SYN3: variants seen among roughly 807,000 people sequenced by gnomAD.
The protein encoded by SYN3 is synapsin III, also known as synapsin-3.
Under a neutral mutation model 65.8 loss-of-function variants are expected in SYN3, and 35 were observed. That is an observed-to-expected ratio of 0.53 (90% CI 0.41 to 0.70). SYN3 has a LOEUF of 0.70. Among genes scored for constraint, SYN3 ranks in the 30% least tolerant of loss-of-function variants. The probability of loss-of-function intolerance (pLI) is 0.00; values close to 1 mark genes in which losing one functional copy is unlikely to be tolerated. For missense variants in SYN3, 680 were observed against 749.0 expected, an observed-to-expected ratio of 0.91 and a Z score of 1.08; for synonymous variants, 270 against 292.9, an observed-to-expected ratio of 0.92 and a Z score of 0.80.
intron 6 of SYN3, among the ~76,000 whole-genome samples, chr22:32,814,476 A>G (rs564339276): frequency 2.0e-5 from 3 of 152,202 alleles, no homozygotes; most frequent in Non-Finnish European, 4.4e-5. Context: ...AAAATAAAAC[A>G]GAAACCACTG....
At chr22:32,772,420 G>A (rs2045796114) in intron 6 of SYN3, among the ~76,000 whole-genome samples, 1 of 151,966 alleles carries the variant, frequency 6.6e-6, no homozygotes, top group South Asian at 2.1e-4. Flanking sequence ...GGTAGGAGCT[G>A]TCCCATCTCG....
intron 6 of SYN3, among the ~76,000 whole-genome samples, chr22:32,714,537 G>A (rs1318999581): frequency 6.6e-6 from 1 of 151,824 alleles, no homozygotes; most frequent in Non-Finnish European, 1.5e-5. Flanking sequence ...CAAGACTGAA[G>A]ACTGTGGACC....
At chr22:32,677,554 T>G (rs2060463447) in intron 6 of SYN3, among the ~76,000 whole-genome samples, 1 of 152,136 alleles carries the variant, frequency 6.6e-6, no homozygotes, top group East Asian at 1.9e-4. Context: ...ATCCCAGCAC[T>G]TTGGGAGGCC....
chr22:32,838,599 C>T (rs1288230232), intron 6 of SYN3, among the ~76,000 whole-genome samples: 1 of 152,132 alleles, frequency 6.6e-6, no homozygotes, highest in Non-Finnish European at 1.5e-5. Context: ...GGTCCTGTGA[C>T]TTGCCTCTTT....
chr22:32,935,285 T>TTCTCTC lies in SYN3; in HGVS notation c.370-3810_370-3805dup, dbSNP rs34290935. Among the ~76,000 whole-genome samples, 1,138 of 144,762 alleles carry TTCTCTC rather than the reference T, an allele frequency of 7.9e-3. 20 individuals carry two copies. The highest frequency in any genetic ancestry group is 0.027 in the African/African-American group (1,070 of 39,066). The allele number at this position is 144,762 out of a possible 152,430, so 95.0% of individuals were successfully genotyped here. Reference sequence around the variant, plus strand: ...ACCTAGACTCATTCTCTCTCTCTCTTTCTCTCTCTCTCTCTCTCTCTCTCA... The same window carrying TTCTCTC: ...ACCTAGACTCATTCTCTCTCTCTCTTTCTCTCTCTCTCTCTCTCTCTCTCTCTCTCA... On this transcript the variant is annotated intron_variant, in intron 3 of 13. Coordinates refer to ENST00000358763, the MANE Select transcript of SYN3 (RefSeq NM_003490.4).
At chr22:32,960,157 G>A (rs2051603204) in intron 3 of SYN3, among the ~76,000 whole-genome samples, 1 of 152,140 alleles carries the variant, frequency 6.6e-6, no homozygotes, top group South Asian at 2.1e-4. Flanking sequence ...TGGAGGGAAT[G>A]CCCTTCCTAG....
chr22:32,519,283 G>A (rs1169927678), intron 12 of SYN3: 1 of 151,562 alleles, frequency 6.6e-6, no homozygotes, highest in African/African-American at 2.4e-5. Flanking sequence ...TTACAAAAGT[G>A]GTGAGATTAA....
intron 1 of SYN3, among the ~76,000 whole-genome samples, chr22:33,025,952 T>TCTA (rs1415399975): frequency 6.6e-6 from 1 of 152,150 alleles, no homozygotes; most frequent in Admixed American, 6.5e-5. Context: ...GTCCCATGTT[T>TCTA]CTACTTGCCC....
At chr22:32,616,011 C>T (rs1417258919) in intron 6 of SYN3, among the ~76,000 whole-genome samples, 11 of 152,210 alleles carry the variant, frequency 7.2e-5, no homozygotes, top group Admixed American at 5.9e-4. Flanking sequence ...GCCTGGCAGA[C>T]GGAGCCTTCC....
At chr22:32,913,920 A>G (rs1279224091) in intron 4 of SYN3, among the ~76,000 whole-genome samples, 2 of 152,212 alleles carry the variant, frequency 1.3e-5, no homozygotes, top group African/African-American at 4.8e-5. Context: ...CCAAGCATAA[A>G]GTTGTGTTTT....
At chr22:32,762,107 C>T (rs5998623) in intron 6 of SYN3, among the ~76,000 whole-genome samples, 21,152 of 152,258 alleles carry the variant, frequency 0.14, 1,491 homozygotes, top group Middle Eastern at 0.2. Flanking sequence ...TAGTTTGAAC[C>T]CTAAGTGCAA....
chr22:32,558,748 C>T (rs2058540793), intron 7 of SYN3, among the ~76,000 whole-genome samples: 1 of 152,240 alleles, frequency 6.6e-6, no homozygotes. Flanking sequence ...GTATCCCCCA[C>T]TGGAATCATG....
intron 6 of SYN3, among the ~76,000 whole-genome samples, chr22:32,850,442 T>G (rs888633607): frequency 1.3e-5 from 2 of 152,158 alleles, no homozygotes; most frequent in Non-Finnish European, 1.5e-5. Flanking sequence ...AAGGGTGTAC[T>G]GGTGATTGCC....
In SYN3 at chr22:32,528,957, G is replaced by C; in HGVS notation, c.1147C>G (p.Gln383Glu). ...GAGACAACAAGGTCGGCCATCAGCTGTCTGTCCTCTTCCACATGCTCTCCA... is the reference window on the plus strand; with the variant it reads ...GAGACAACAAGGTCGGCCATCAGCTCTCTGTCCTCTTCCACATGCTCTCCA... ...LIGEHVEEDR[Q>E]LMADLVVSKM... Residue 383 changes from glutamine to glutamate, a missense_variant, in exon 11 of 14, where the codon CAG becomes GAG. Coordinates refer to ENST00000358763, the MANE Select transcript of SYN3 (RefSeq NM_003490.4). The C allele has an allele frequency of 1.2e-6, 2 of 1,614,100 alleles. No homozygotes were observed. The highest frequency in any genetic ancestry group is 1.7e-6 in the Non-Finnish European group (2 of 1,180,050).
intron 6 of SYN3, among the ~76,000 whole-genome samples, chr22:32,688,682 C>G (rs2060624338): frequency 6.6e-6 from 1 of 150,776 alleles, no homozygotes; most frequent in Non-Finnish European, 1.5e-5. Context: ...GCTCCTCAGG[C>G]AGAGCCTTGT....
chr22:32,756,630 G>A (rs1235766504), intron 6 of SYN3, among the ~76,000 whole-genome samples: 1 of 152,160 alleles, frequency 6.6e-6, no homozygotes, highest in Non-Finnish European at 1.5e-5. Flanking sequence ...GTTTGGTGCT[G>A]TCCTCAGTAT....
intron 6 of SYN3, among the ~76,000 whole-genome samples, chr22:32,752,100 G>A (rs1327484432): frequency 2.0e-5 from 3 of 152,160 alleles, no homozygotes; most frequent in African/African-American, 7.2e-5. Flanking sequence ...TATAGTAGAT[G>A]CTTAATAAAT....
chr22:32,805,833 ATGG>A (rs2046719246), intron 6 of SYN3, among the ~76,000 whole-genome samples: 1 of 152,090 alleles, frequency 6.6e-6, no homozygotes, highest in Non-Finnish European at 1.5e-5. Flanking sequence ...GATGGAATGG[ATGG>A]TTAACATTTG....
chr22:32,671,364 C>T (rs1601882716), intron 6 of SYN3, among the ~76,000 whole-genome samples: 1 of 151,904 alleles, frequency 6.6e-6, no homozygotes, highest in Non-Finnish European at 1.5e-5. Context: ...ACTCTTACTT[C>T]CTCACACTCA....
Sources: allele counts gnomAD v4.1 joint callset (sites outside exome capture counted in the v4.1 genomes callset), GRCh38; gene constraint gnomAD v4.1.1; transcripts MANE v1.5; gene names NCBI Gene and HGNC (gene_info 2026-07-23, HGNC 2026-07-21).